SRPK2: variants seen among roughly 807,000 people sequenced by gnomAD.
SRPK2 encodes the protein SRSF protein kinase 2.
A neutral mutation model predicts 90.8 loss-of-function variants in SRPK2; 21 were observed. That is an observed-to-expected ratio of 0.23 (90% CI 0.16 to 0.33). The LOEUF is 0.33. Ranked by LOEUF, SRPK2 falls within the 10% of genes least tolerant of loss-of-function variation. The pLI, the probability that SRPK2 is intolerant of heterozygous loss-of-function variation, is 1.00. For synonymous variants in SRPK2, 288 were observed against 311.1 expected (o/e 0.93, Z 0.78); for missense variants, 620 against 869.0 (o/e 0.71, Z 3.60).
At chr7:105,287,632 A>T (rs1808346105) in intron 2 of SRPK2, among the ~76,000 whole-genome samples, 1 of 152,124 alleles carries the variant, frequency 6.6e-6, no homozygotes, top group African/African-American at 2.4e-5. Flanking sequence ...GCTACTTGGG[A>T]GGCTGAGGTA....
Position 105,117,986 on chromosome 7 carries a change from C to T in SRPK2, c.1952G>A (p.Ser651Asn), listed in dbSNP as rs753143003. ...LRHITKLKPW[S>N]LFDVLVEKYG... ...CTTTTCCACAAGTACATCAAAGAGGCTCCAGGGCTTCAGCTTGGTGATGTG... is the reference window on the plus strand; with the variant it reads ...CTTTTCCACAAGTACATCAAAGAGGTTCCAGGGCTTCAGCTTGGTGATGTG... Residue 651 changes from serine (S) to asparagine (N), a missense_variant, in exon 16 of 16, where the codon AGC (serine) becomes AAC (asparagine). Coordinates refer to ENST00000393651, the MANE Select transcript of SRPK2 (RefSeq NM_182692.3). 4 of 1,614,184 alleles carry T rather than the reference C, an allele frequency of 2.5e-6. No homozygotes were observed. The highest frequency in any genetic ancestry group is 2.2e-5 in the East Asian group (1 of 44,884).
chr7:105,281,765 A>G (rs931280878), intron 2 of SRPK2, among the ~76,000 whole-genome samples: 3 of 152,204 alleles, frequency 2.0e-5, no homozygotes, highest in African/African-American at 7.2e-5. Context: ...AGGAAGTACA[A>G]GGCTTGTACA....
At chr7:105,197,000 T>C (rs1016470148) in intron 3 of SRPK2, among the ~76,000 whole-genome samples, 3 of 151,952 alleles carry the variant, frequency 2.0e-5, no homozygotes. Flanking sequence ...TGAGTGGAGA[T>C]TGCAGCATTG....
Position 105,233,080 on chromosome 7 carries a change from A to AAGG in SRPK2, c.72-29296_72-29295insCCT, listed in dbSNP as rs1799665526. On this transcript the variant is annotated intron_variant, in intron 2 of 15. Coordinates refer to ENST00000393651, the MANE Select transcript of SRPK2 (RefSeq NM_182692.3). ...GGAGGGAGCAAGGAAGGAAGGAAGG[A>AAGG]AAGGAAGGAAAGAAGGAAGGAAGGA... Among the ~76,000 whole-genome samples, 18 of 117,162 alleles carry AAGG rather than the reference A, an allele frequency of 1.5e-4. 1 individual carries two copies. The highest frequency in any genetic ancestry group is 4.8e-4 in the African/African-American group (15 of 31,108). The allele number at this position is 117,162 out of a possible 152,430, so 76.9% of individuals were successfully genotyped here. A position where few individuals can be genotyped will look rare whatever the true frequency, so the allele number is the denominator to read the frequency against.
intron 2 of SRPK2, among the ~76,000 whole-genome samples, chr7:105,231,567 G>A (rs891317694): frequency 2.0e-5 from 3 of 151,976 alleles, no homozygotes; most frequent in Non-Finnish European, 2.9e-5. Context: ...CCGCAATCTC[G>A]CCAGCATCTG....
intron 2 of SRPK2, chr7:105,301,519 A>G: frequency 7.1e-7 from 1 of 1,410,410 alleles, no homozygotes; most frequent in South Asian, 1.2e-5. Flanking sequence ...AACCGGTGTG[A>G]CGAGTGCCAA....
intron 2 of SRPK2, among the ~76,000 whole-genome samples, chr7:105,321,105 T>G (rs1038660928): frequency 2.6e-5 from 4 of 152,172 alleles, no homozygotes; most frequent in Non-Finnish European, 5.9e-5. Flanking sequence ...AGCGCTGGGA[T>G]TGCAGATGTG....
intron 2 of SRPK2, among the ~76,000 whole-genome samples, chr7:105,242,321 C>T (rs973819721): frequency 6.6e-6 from 1 of 151,964 alleles, no homozygotes; most frequent in African/African-American, 2.4e-5. Context: ...AGGCCAGCCT[C>T]GCCAACATGG....
chr7:105,203,633 C>A lies in SRPK2; in HGVS notation c.224G>T (p.Cys75Phe). 2 of 1,506,566 alleles carry A rather than the reference C, an allele frequency of 1.3e-6. No individual in the cohort carries two copies. The highest frequency in any genetic ancestry group is 1.8e-6 in the Non-Finnish European group (2 of 1,132,324). The allele number at this position is 1,506,566 out of a possible 1,614,324, so 93.3% of individuals were successfully genotyped here. The change falls in exon 3 of 16, where the codon TGC becomes TTC. Residue 75 changes from cysteine to phenylalanine, a missense_variant. Coordinates refer to ENST00000393651, the MANE Select transcript of SRPK2 (RefSeq NM_182692.3). ...DEEQEDPADY[C>F]KGGYHPVKIG... ...CACCATGCTTGGCACATCACCTTTG[C>A]AGTAGTCCGCAGGGTCCTCTTGCTC...
chr7:105,183,598 T>C (rs1055930882), intron 3 of SRPK2, among the ~76,000 whole-genome samples: 2 of 152,176 alleles, frequency 1.3e-5, no homozygotes, highest in Non-Finnish European at 2.9e-5. Context: ...GCCATTATCC[T>C]GCCTCAGCCT....
chr7:105,161,893 T>C (rs1167867256), intron 6 of SRPK2, among the ~76,000 whole-genome samples: 1 of 152,190 alleles, frequency 6.6e-6, no homozygotes, highest in Admixed American at 6.5e-5. Context: ...TAATCTATAG[T>C]AACAACATCT....
chr7:105,162,228 G>A (rs1807780731), intron 6 of SRPK2, among the ~76,000 whole-genome samples: 1 of 152,104 alleles, frequency 6.6e-6, no homozygotes, highest in Admixed American at 6.6e-5. Flanking sequence ...TTTTAGTAGA[G>A]ACAGGGTTTC....
intron 2 of SRPK2, among the ~76,000 whole-genome samples, chr7:105,226,415 C>T (rs186259765): frequency 2.6e-5 from 4 of 152,160 alleles, no homozygotes; most frequent in Non-Finnish European, 5.9e-5. Context: ...CTCAGCCTCT[C>T]GAGTAGCTGG....
At chr7:105,306,155 C>T (rs1198112706) in intron 2 of SRPK2, 1 of 166,884 alleles carries the variant, frequency 6.0e-6, no homozygotes, top group African/African-American at 2.4e-5. Flanking sequence ...TTTTTTAAGG[C>T]ATCTGATGTA....
At chr7:105,278,436 G>T (rs968468462) in intron 2 of SRPK2, among the ~76,000 whole-genome samples, 5 of 151,658 alleles carry the variant, frequency 3.3e-5, no homozygotes, top group Non-Finnish European at 5.9e-5. Flanking sequence ...CACTTTGGGA[G>T]GCCAAGGCTG....
At chr7:105,378,976 G>C (rs184266989) in intron 2 of SRPK2, among the ~76,000 whole-genome samples, 58 of 151,906 alleles carry the variant, frequency 3.8e-4, no homozygotes, top group Non-Finnish European at 6.8e-4. Context: ...GGGCAACATA[G>C]GGAGATCCCA....
intron 2 of SRPK2, among the ~76,000 whole-genome samples, chr7:105,338,373 T>C (rs1218643680): frequency 6.6e-6 from 1 of 152,152 alleles, no homozygotes; most frequent in Non-Finnish European, 1.5e-5. Flanking sequence ...GCAGCTGGGA[T>C]TACAGGCGCA....
chr7:105,213,201 A>G (rs756562111), intron 2 of SRPK2, among the ~76,000 whole-genome samples: 1 of 152,178 alleles, frequency 6.6e-6, no homozygotes, highest in African/African-American at 2.4e-5. Flanking sequence ...ATTTCGACAG[A>G]GAATAGAGCA....
At chr7:105,156,393 A>G (rs1228215395) in intron 7 of SRPK2, among the ~76,000 whole-genome samples, 1 of 152,236 alleles carries the variant, frequency 6.6e-6, no homozygotes, top group Non-Finnish European at 1.5e-5. Context: ...CAAAGTACTC[A>G]AATTATACCT....
Sources: allele counts gnomAD v4.1 joint callset (sites outside exome capture counted in the v4.1 genomes callset), GRCh38; gene constraint gnomAD v4.1.1; transcripts MANE v1.5; gene names NCBI Gene and HGNC (gene_info 2026-07-23, HGNC 2026-07-21).